Variants in TMEM247 observed in about 807,000 individuals in gnomAD.
TMEM247 encodes the protein transmembrane protein ENSP00000343375.
Under a neutral mutation model 20.7 loss-of-function variants are expected in TMEM247, and 23 were observed. The observed-to-expected ratio is 1.11, with a 90% CI of 0.80 to 1.57. The LOEUF (loss-of-function observed/expected upper bound fraction) is 1.57. Among genes scored for constraint, TMEM247 ranks in the 40% most tolerant of loss-of-function variants. The pLI is 0.00. For missense variants in TMEM247, 354 were observed against 283.8 expected (o/e 1.25, Z -1.78); for synonymous variants, 106 against 111.9 (o/e 0.95, Z 0.33).
At chr2:46,483,781 TC>T (rs1258239390) in intron 2 of TMEM247, among the ~76,000 whole-genome samples, 2 of 152,122 alleles carry the variant, frequency 1.3e-5, no homozygotes, top group African/African-American at 4.8e-5. Context: ...CTCCTTGTGA[TC>T]TTTTGTTTTG....
chr2:46,480,929 C>T (rs1442818429), intron 2 of TMEM247, among the ~76,000 whole-genome samples, 165 bp downstream of exon 2: 10 of 152,182 alleles, frequency 6.6e-5, no homozygotes, highest in African/African-American at 2.4e-4. Flanking sequence ...GTCTCCAGCC[C>T]TCTCCGCCTT....
exon 2 of TMEM247, chr2:46,480,662 CCAGCGG>C (rs759003079): frequency 2.7e-6 from 3 of 1,122,060 alleles, no homozygotes; most frequent in Admixed American, 3.3e-5. Flanking sequence ...ATGAGAAGAA[CCAGCGG>C]CAGCGGCAGC....
chr2:46,484,321 C>T (rs1028407552), exon 3 of TMEM247: 86 of 1,552,252 alleles, frequency 5.5e-5, no homozygotes, highest in Non-Finnish European at 7.1e-5. Flanking sequence ...TCTTCATTCA[C>T]ATCATCTATG....
rs532199118 is a variant in TMEM247 at position 46,480,817 on chromosome 2, C to T, written c.477+53C>T. On this transcript the variant is annotated intron_variant, in intron 2 of 2. Transcript: ENST00000434431. ...AGGAGGGAGGCCTGGAGCTGAAGTC[C>T]CATGGGGCCTGGAGCAGGCGCCCAC... 353 of 1,498,800 alleles carry T rather than the reference C, an allele frequency of 2.4e-4. 8 individuals are homozygous for T. The South Asian group carries it at 4.2e-3, about 18-fold the overall frequency. 92.8% of individuals were successfully genotyped at this position (1,498,800 alleles called of 1,614,324 possible).
At chr2:46,482,292 A>C (rs569151680) in intron 2 of TMEM247, among the ~76,000 whole-genome samples, 1 of 152,226 alleles carries the variant, frequency 6.6e-6, no homozygotes, top group Non-Finnish European at 1.5e-5. Context: ...CCTATTGCTT[A>C]GACTTTAGCA....
chr2:46,480,641 C>G (rs1466194436), exon 2 of TMEM247: 1 of 1,551,718 alleles, frequency 6.4e-7, no homozygotes, highest in Admixed American at 2.0e-5. Flanking sequence ...TCACGCGGCT[C>G]AAGTACCTGC....
chr2:46,482,048 A>G (rs1268651648), intron 2 of TMEM247, among the ~76,000 whole-genome samples: 1 of 152,168 alleles, frequency 6.6e-6, no homozygotes, highest in East Asian at 1.9e-4. Flanking sequence ...TCCCCAATTG[A>G]CTGGTCCAGT....
chr2:46,480,016 A>C (rs1174906138), intron 1 of TMEM247, among the ~76,000 whole-genome samples: 1 of 152,172 alleles, frequency 6.6e-6, no homozygotes, highest in East Asian at 1.9e-4. Flanking sequence ...CTCTCAATTC[A>C]GACCCTGGGT....
intron 1 of TMEM247, 99 bp from the exon 2 acceptor site, chr2:46,480,306 A>C (rs79526803): frequency 0.012 from 15,831 of 1,292,982 alleles, 153 homozygotes; most frequent in Non-Finnish European, 0.014. Context: ...CAAACACCCC[A>C]GTCCACTGCG....
At chr2:46,482,926 T>A (rs374574363) in intron 2 of TMEM247, among the ~76,000 whole-genome samples, 74 of 152,344 alleles carry the variant, frequency 4.9e-4, no homozygotes, top group African/African-American at 1.5e-3. Context: ...TTGGTGATAG[T>A]TTACAAAAGT....
rs190640766 is a variant in TMEM247 at position 46,484,241 on chromosome 2, C to G, written c.478-3C>G. The G allele has an allele frequency of 1.9e-6, 3 of 1,547,644 alleles. No individual in the cohort carries two copies. The African/African-American group carries it at 4.1e-5, about 21-fold the overall frequency. ...CATCTCCACTGTCTTCTCTCCCCCA[C>G]AGTTTTCAGGAGGCCTCCAGAACTT... On this transcript the variant is annotated splice_polypyrimidine_tract_variant and splice_region_variant and intron_variant, in intron 2 of 2. Transcript: ENST00000434431.
At chr2:46,483,972 T>C (rs564391674) in intron 2 of TMEM247, among the ~76,000 whole-genome samples, 8 of 152,058 alleles carry the variant, frequency 5.3e-5, no homozygotes, top group Admixed American at 1.3e-4. Context: ...TTTTTTTTTA[T>C]AGAGATAGGG....
intron 2 of TMEM247, among the ~76,000 whole-genome samples, chr2:46,483,447 T>C (rs184102576): frequency 1.7e-3 from 255 of 152,298 alleles, no homozygotes; most frequent in African/African-American, 5.6e-3. Context: ...ACGTGATATG[T>C]GTCAGGACCC....
At chr2:46,480,328 C>CG in intron 1 of TMEM247, 77 bp from the exon 2 acceptor site, 2 of 1,422,382 alleles carry the variant, frequency 1.4e-6, no homozygotes, top group Non-Finnish European at 1.8e-6. Flanking sequence ...CCTGGGGCTG[C>CG]GGGAGTTCCA....
At chr2:46,479,592 G>A in exon 1 of TMEM247, 1 of 1,551,606 alleles carries the variant, frequency 6.4e-7, no homozygotes, top group Non-Finnish European at 8.7e-7. Context: ...CTGGATGGCA[G>A]CAGAGGACAG....
intron 2 of TMEM247, among the ~76,000 whole-genome samples, chr2:46,481,731 A>G (rs769739593): frequency 3.9e-5 from 6 of 152,230 alleles, no homozygotes; most frequent in Non-Finnish European, 7.3e-5. Flanking sequence ...AAATGCAACA[A>G]CATACATTTA....
chr2:46,480,411 G>C lies in TMEM247; in HGVS notation c.124G>C (p.Glu42Gln), dbSNP rs764530259. The change falls in exon 2 of 3, where the codon GAG becomes CAG. Residue 42 changes from glutamate to glutamine, a missense_variant. Transcript: ENST00000434431. ...CCTGCTTCCCCTACGCCAGGAGGCAGAGTCCCAGAAGCCAGACTCCTCCTA... is the reference window on the plus strand; with the variant it reads ...CCTGCTTCCCCTACGCCAGGAGGCACAGTCCCAGAAGCCAGACTCCTCCTA... 1.0e-5 allele frequency: 16 copies of C among 1,542,694 alleles called. No homozygotes were observed. The Admixed American group carries it at 1.2e-4, about 11-fold the overall frequency.
At chr2:46,481,143 C>T (rs1686880964) in intron 2 of TMEM247, among the ~76,000 whole-genome samples, 1 of 152,154 alleles carries the variant, frequency 6.6e-6, no homozygotes, top group South Asian at 2.1e-4. Flanking sequence ...CTCCCTCTTC[C>T]ACCGCTCACA....
At chr2:46,481,961 C>T (rs1686897071) in intron 2 of TMEM247, among the ~76,000 whole-genome samples, 1 of 152,204 alleles carries the variant, frequency 6.6e-6, no homozygotes, top group Admixed American at 6.5e-5. Flanking sequence ...GCTCACATTT[C>T]TCCACCTTAT....
Sources: gnomAD v4.1 joint callset for allele counts (sites outside exome capture counted in the v4.1 genomes callset) on GRCh38, gnomAD v4.1.1 for gene constraint, MANE v1.5 for transcripts, NCBI Gene and HGNC (gene_info 2026-07-23, HGNC 2026-07-21) for gene names.